Variants in JADE1 observed in about 807,000 individuals in gnomAD.
The protein encoded by JADE1 is jade family PHD finger 1.
A neutral mutation model predicts 81.8 loss-of-function variants in JADE1; 14 were observed. The ratio of observed to expected loss-of-function variants is 0.17; its 90% CI spans 0.11 to 0.27. The LOEUF (loss-of-function observed/expected upper bound fraction) is 0.27, where lower values mean the gene tolerates loss of function less well. Among genes scored for constraint, JADE1 ranks in the 10% least tolerant of loss-of-function variants. JADE1 has a pLI of 1.00. For synonymous variants in JADE1, 353 were observed against 391.9 expected (o/e 0.90, Z 1.17); for missense variants, 690 against 1,047.9 (o/e 0.66, Z 4.71).
At chr4:128,824,817 T>A (rs567388557) in intron 1 of JADE1, among the ~76,000 whole-genome samples, 2 of 152,280 alleles carry the variant, frequency 1.3e-5, no homozygotes, top group East Asian at 3.9e-4. Flanking sequence ...AAACTGATAC[T>A]TTGAGAGAGA....
At chr4:128,832,599 T>G (rs368162006) in intron 2 of JADE1, among the ~76,000 whole-genome samples, 39 of 152,262 alleles carry the variant, frequency 2.6e-4, no homozygotes, top group African/African-American at 9.1e-4. Context: ...TTTAGACATA[T>G]GTAAGAAGAG....
chr4:128,857,219 C>T (rs2125879359), intron 7 of JADE1, 119 bp from the exon 8 acceptor site: 2 of 772,350 alleles, frequency 2.6e-6, no homozygotes, highest in East Asian at 2.5e-5. Flanking sequence ...TGAGTGGGTG[C>T]CCCTTGCCAC....
Position 128,872,310 on chromosome 4 carries a change from C to CT in JADE1, c.*49dup. The CT allele has an allele frequency of 6.5e-7, 1 of 1,536,144 alleles. No homozygotes were observed. The highest frequency in any genetic ancestry group is 8.9e-7 in the Non-Finnish European group (1 of 1,121,550). ...CCCTTTGGGCTCGTCATTGGGTTTG[C>CT]TAGAGGAGAGCTCTGATGTGGGGGA... On this transcript the variant is annotated 3_prime_UTR_variant, in exon 11 of 11. Coordinates refer to ENST00000226319, the MANE Select transcript of JADE1 (RefSeq NM_199320.4).
At chr4:128,868,124 C>A in intron 10 of JADE1, 151 bp downstream of exon 10, 1 of 493,546 alleles carries the variant, frequency 2.0e-6, no homozygotes. Flanking sequence ...TAATTTGAGG[C>A]ATCATGTTTA....
intron 2 of JADE1, among the ~76,000 whole-genome samples, chr4:128,842,094 A>G (rs887393077): frequency 6.6e-6 from 1 of 152,114 alleles, no homozygotes; most frequent in East Asian, 1.9e-4. Flanking sequence ...TTATTTGGCA[A>G]TTGGCCCCTT....
chr4:128,848,943 A>G, intron 4 of JADE1, 37 bp from the exon 5 acceptor site: 1 of 1,607,184 alleles, frequency 6.2e-7, no homozygotes, highest in Non-Finnish European at 8.5e-7. Flanking sequence ...CTGTGGCTGA[A>G]AGGGTAACCT....
At chr4:128,819,603 A>G (rs1727373474) in intron 1 of JADE1, among the ~76,000 whole-genome samples, 1 of 152,146 alleles carries the variant, frequency 6.6e-6, no homozygotes, top group South Asian at 2.1e-4. Context: ...ACTCCGGGAG[A>G]ACTCATACTC....
chr4:128,861,098 T>C (rs1404930787), intron 8 of JADE1, among the ~76,000 whole-genome samples: 1 of 152,224 alleles, frequency 6.6e-6, no homozygotes, highest in Non-Finnish European at 1.5e-5. Flanking sequence ...ATGTTCAAAC[T>C]GTGAGTAGTA....
chr4:128,818,246 G>T (rs188996545), intron 1 of JADE1, among the ~76,000 whole-genome samples: 48 of 151,828 alleles, frequency 3.2e-4, no homozygotes, highest in Middle Eastern at 3.4e-3. Flanking sequence ...TCAGCCTCCC[G>T]AGTAGCTGGG....
At chr4:128,826,889 C>A (rs567916194) in intron 1 of JADE1, among the ~76,000 whole-genome samples, 9 of 152,194 alleles carry the variant, frequency 5.9e-5, no homozygotes, top group Non-Finnish European at 1.0e-4. Context: ...ATGGGCACTA[C>A]CTTGGGCTTC....
chr4:128,826,269 G>A (rs1728054560), intron 1 of JADE1, among the ~76,000 whole-genome samples: 1 of 152,202 alleles, frequency 6.6e-6, no homozygotes, highest in South Asian at 2.1e-4. Context: ...CCTTGTTTCT[G>A]ACCAGTCTGA....
intron 2 of JADE1, among the ~76,000 whole-genome samples, chr4:128,841,942 C>CAGTT (rs1729468097): frequency 6.6e-6 from 1 of 152,104 alleles, no homozygotes; most frequent in South Asian, 2.1e-4. Context: ...GACTTGGCAG[C>CAGTT]AGTTGGGAGA....
At chr4:128,817,873 T>G (rs558445211) in intron 1 of JADE1, among the ~76,000 whole-genome samples, 1 of 152,382 alleles carries the variant, frequency 6.6e-6, no homozygotes, top group East Asian at 1.9e-4. Context: ...TGTGATCCTT[T>G]TACTGCCACT....
At chr4:128,860,487 G>T (rs1434730736) in intron 8 of JADE1, among the ~76,000 whole-genome samples, 1 of 152,218 alleles carries the variant, frequency 6.6e-6, no homozygotes, top group Non-Finnish European at 1.5e-5. Context: ...TTCAGGATCT[G>T]TTGAATGAGT....
intron 1 of JADE1, among the ~76,000 whole-genome samples, chr4:128,812,376 C>A (rs561520391): frequency 1.3e-5 from 2 of 151,392 alleles, no homozygotes; most frequent in Non-Finnish European, 3.0e-5. Flanking sequence ...CATTCCCCGG[C>A]GGGCGGCGGG....
At chr4:128,839,118 A>G (rs1430659965) in intron 2 of JADE1, among the ~76,000 whole-genome samples, 1 of 152,236 alleles carries the variant, frequency 6.6e-6, no homozygotes, top group African/African-American at 2.4e-5. Context: ...TCAAAGAAAT[A>G]TTGAGAATCT....
intron 1 of JADE1, among the ~76,000 whole-genome samples, chr4:128,826,588 T>G (rs1257595778): frequency 1.3e-4 from 20 of 151,406 alleles, no homozygotes; most frequent in Admixed American, 1.3e-3. Flanking sequence ...CAGGCTTGTC[T>G]CGAACTCCAG....
At chr4:128,815,998 C>T (rs1046046313) in intron 1 of JADE1, among the ~76,000 whole-genome samples, 1 of 147,302 alleles carries the variant, frequency 6.8e-6, no homozygotes, top group Non-Finnish European at 1.5e-5. Context: ...GAATTGGCAC[C>T]ATATTCAACA....
chr4:128,872,298 T>A lies in JADE1; in HGVS notation c.*36T>A. 1 of 1,583,744 alleles carries A rather than the reference T, an allele frequency of 6.3e-7. No homozygotes were observed. On this transcript the variant is annotated 3_prime_UTR_variant, in exon 11 of 11. Transcript: ENST00000226319. ...ATGATGCGGAAGCCCTTTGGGCTCG[T>A]CATTGGGTTTGCTAGAGGAGAGCTC... is the stretch of plus-strand genomic sequence containing the variant.
Sources: gnomAD v4.1 joint callset for allele counts (sites outside exome capture counted in the v4.1 genomes callset) on GRCh38, gnomAD v4.1.1 for gene constraint, MANE v1.5 for transcripts, NCBI Gene and HGNC (gene_info 2026-07-23, HGNC 2026-07-21) for gene names.